Variants in NXPH1 observed in about 807,000 individuals in gnomAD.
NXPH1 encodes neurexophilin-1.
NXPH1 carries 5 observed loss-of-function variants against 23.7 expected under a neutral mutation model. The ratio of observed to expected loss-of-function variants is 0.21; its 90% CI spans 0.11 to 0.44. NXPH1 has a LOEUF of 0.44. Ranked by LOEUF, NXPH1 falls within the 20% of genes least tolerant of loss-of-function variation. The probability of loss-of-function intolerance (pLI) is 0.99; values close to 1 mark genes in which losing one functional copy is unlikely to be tolerated. For synonymous variants in NXPH1, 144 were observed against 122.2 expected (o/e 1.18, Z -1.18); for missense variants, 324 against 321.6 (o/e 1.01, Z -0.06).
At chr7:8,439,800 T>G (rs184177186) in intron 2 of NXPH1, among the ~76,000 whole-genome samples, 1 of 152,222 alleles carries the variant, frequency 6.6e-6, no homozygotes, top group Non-Finnish European at 1.5e-5. Context: ...CCACTCATTA[T>G]GAAGATGGCT....
At position 8,509,249 on chromosome 7, in the gene NXPH1, G is replaced by T. The variant is rs565462171; in HGVS notation, c.54+73482G>T. 6.0e-4 allele frequency among the ~76,000 whole-genome samples: 92 copies of T among 152,160 alleles called. 1 individual carries two copies. The highest frequency in any genetic ancestry group is 2.1e-3 in the African/African-American group (87 of 41,536). On this transcript the variant is annotated intron_variant, in intron 2 of 2. Transcript: ENST00000405863. The stretch of plus-strand genomic sequence containing the variant: ...GTTATCAAAGAATCTAAGACATGAT[G>T]ATTTCATATTGCAAGTTATGTAAAT...
intron 2 of NXPH1, among the ~76,000 whole-genome samples, chr7:8,575,127 T>C (rs1818727333): frequency 6.6e-6 from 1 of 152,206 alleles, no homozygotes; most frequent in Admixed American, 6.5e-5. Context: ...CTAAGCCTTC[T>C]AATTTTGTCA....
In NXPH1 at chr7:8,435,176, T is replaced by C. The variant is rs547393498; in HGVS notation, c.-111+421T>C. 39 of 165,588 alleles carry C rather than the reference T, an allele frequency of 2.4e-4. No homozygotes were observed. Among genetic ancestry groups the C allele is most frequent in the Middle Eastern group, 2.8e-3 (1 of 354 alleles). 10.3% of individuals were successfully genotyped at this position (165,588 alleles called of 1,614,324 possible). ...TCTCTCTCTCCCTTTATCTTTCCCC[T>C]CTATCTCTCTCTGCTGGTGTGTACG... On this transcript the variant is annotated intron_variant, in intron 1 of 2. Coordinates refer to ENST00000405863, the MANE Select transcript of NXPH1 (RefSeq NM_152745.3). This position sits in a 1 kb window ranked among gnomAD's most constrained non-coding sequence, Gnocchi z 5.9.
chr7:8,534,231 C>T (rs1368926479), intron 2 of NXPH1, among the ~76,000 whole-genome samples: 1 of 151,876 alleles, frequency 6.6e-6, no homozygotes, highest in Admixed American at 6.6e-5. Flanking sequence ...TCAAAGACAA[C>T]AGTTATGAAA....
chr7:8,489,728 T>G (rs569081153), intron 2 of NXPH1, among the ~76,000 whole-genome samples: 1 of 152,138 alleles, frequency 6.6e-6, no homozygotes, highest in Non-Finnish European at 1.5e-5. Flanking sequence ...ATTAGTATTA[T>G]GAATGACATG....
chr7:8,733,144 C>G (rs1780187855), intron 2 of NXPH1, among the ~76,000 whole-genome samples: 2 of 152,016 alleles, frequency 1.3e-5, no homozygotes, highest in African/African-American at 4.8e-5. Context: ...TTTTCTGTTC[C>G]TGTGTTAGTT....
chr7:8,652,637 T>G (rs537828001), intron 2 of NXPH1, among the ~76,000 whole-genome samples: 4 of 152,302 alleles, frequency 2.6e-5, no homozygotes, highest in African/African-American at 9.6e-5. Flanking sequence ...ACAAGACAGG[T>G]AAGTTTCTGC....
intron 2 of NXPH1, among the ~76,000 whole-genome samples, chr7:8,459,439 TAGTATAATTAC>T (rs1191341030): frequency 1.3e-5 from 2 of 152,172 alleles, no homozygotes; most frequent in Non-Finnish European, 2.9e-5. Flanking sequence ...AATTGCCCAA[TAGTATAATTAC>T]AGTTTCATCA....
chr7:8,742,564 TTTG>T (rs1199719882), intron 2 of NXPH1, among the ~76,000 whole-genome samples: 1 of 118,214 alleles, frequency 8.5e-6, no homozygotes, highest in Non-Finnish European at 2.0e-5. Flanking sequence ...TCTGAGATAT[TTTG>T]TTAATTGGAA....
At chr7:8,524,241 C>CAAAAAAA (rs34744233) in intron 2 of NXPH1, among the ~76,000 whole-genome samples, 4 of 73,710 alleles carry the variant, frequency 5.4e-5, no homozygotes, top group African/African-American at 1.1e-4. Context: ...GACTCTGTCT[C>CAAAAAAA]AAAAAAAAAA....
chr7:8,539,190 AG>A (rs1818073036), intron 2 of NXPH1, among the ~76,000 whole-genome samples: 1 of 151,888 alleles, frequency 6.6e-6, no homozygotes. Context: ...GCTGAAGAAA[AG>A]CACCACTATC....
At chr7:8,729,935 T>C (rs1780120897) in intron 2 of NXPH1, among the ~76,000 whole-genome samples, 1 of 144,462 alleles carries the variant, frequency 6.9e-6, no homozygotes, top group South Asian at 2.3e-4. Flanking sequence ...ATGTTGACAG[T>C]GGGGTGTTAA....
intron 2 of NXPH1, among the ~76,000 whole-genome samples, chr7:8,440,642 C>T (rs928367762): frequency 1.3e-5 from 2 of 152,026 alleles, no homozygotes. Context: ...CAGCATTGTC[C>T]GGGTAATAAC....
At chr7:8,672,924 A>G (rs116232268) in intron 2 of NXPH1, among the ~76,000 whole-genome samples, 54 of 152,324 alleles carry the variant, frequency 3.5e-4, no homozygotes, top group African/African-American at 1.1e-3. Flanking sequence ...TGAAAAGAAC[A>G]GGGATTTTGA....
At chr7:8,652,205 T>C (rs1322191080) in intron 2 of NXPH1, among the ~76,000 whole-genome samples, 1 of 152,146 alleles carries the variant, frequency 6.6e-6, no homozygotes, top group African/African-American at 2.4e-5. Flanking sequence ...ATTATTATTA[T>C]AGAAAATGAG....
At chr7:8,739,978 C>T (rs1780333293) in intron 2 of NXPH1, among the ~76,000 whole-genome samples, 3 of 152,180 alleles carry the variant, frequency 2.0e-5, no homozygotes, top group South Asian at 4.1e-4. Flanking sequence ...TTTGTCTGAA[C>T]ATCAGTAGGC....
chr7:8,663,612 A>G (rs1820713937), intron 2 of NXPH1, among the ~76,000 whole-genome samples: 1 of 152,148 alleles, frequency 6.6e-6, no homozygotes, highest in African/African-American at 2.4e-5. Context: ...TTGCCAAAAT[A>G]TAAAGATATC....
chr7:8,441,044 T>A (rs1315169074), intron 2 of NXPH1, among the ~76,000 whole-genome samples: 3 of 152,232 alleles, frequency 2.0e-5, no homozygotes, highest in Non-Finnish European at 2.9e-5. Flanking sequence ...CTGATTTTTT[T>A]AAAAATAAAA....
chr7:8,532,033 C>A (rs1037642134), intron 2 of NXPH1, among the ~76,000 whole-genome samples: 3 of 152,280 alleles, frequency 2.0e-5, no homozygotes, highest in Admixed American at 6.5e-5. Context: ...AAGTTAGGGA[C>A]AACACCAGTA....
Sources: gnomAD v4.1 joint callset for allele counts (sites outside exome capture counted in the v4.1 genomes callset) on GRCh38, gnomAD v4.1.1 for gene constraint, Gnocchi (gnomAD v3.1) non-coding constraint, MANE v1.5 for transcripts, NCBI Gene and HGNC (gene_info 2026-07-23, HGNC 2026-07-21) for gene names.